Variants in RAVER2 observed in about 807,000 individuals in gnomAD.
RAVER2 encodes ribonucleoprotein, PTB binding 2.
RAVER2 carries 46 observed loss-of-function variants against 78.1 expected under a neutral mutation model. The observed-to-expected ratio is 0.59, with a 90% confidence interval of 0.46 to 0.75. RAVER2 has a LOEUF of 0.75. RAVER2 is among the 30% of genes least tolerant of loss of function. The pLI is 0.00. For missense variants in RAVER2, 793 were observed against 837.5 expected, an observed-to-expected ratio of 0.95 and a Z score of 0.66; for synonymous variants, 311 against 313.3, an observed-to-expected ratio of 0.99 and a Z score of 0.08.
chr1:64,797,674 A>G (rs1653131518), intron 5 of RAVER2, among the ~76,000 whole-genome samples: 1 of 152,150 alleles, frequency 6.6e-6, no homozygotes, highest in African/African-American at 2.4e-5. Context: ...CAAAATGGTG[A>G]TCTTTATCCC....
rs1402386817 is a variant in RAVER2 at position 64,831,053 on chromosome 1, CTTCA to C, written c.*73_*76del. The C allele has an allele frequency of 1.7e-5, 25 of 1,483,008 alleles. No homozygotes were observed. The Admixed American group carries it at 2.6e-4, about 16-fold the overall frequency. The allele number at this position is 1,483,008 out of a possible 1,614,324, so 91.9% of individuals were successfully genotyped here. Reference sequence around the variant, plus strand: ...TCTCTGCTGTTCATCGCTGCCTTAACTTCATTCAAACTAGCCATATCCTTTAAAT... The same window carrying C: ...TCTCTGCTGTTCATCGCTGCCTTAACTTCAAACTAGCCATATCCTTTAAAT... On this transcript the variant is annotated 3_prime_UTR_variant, in exon 12 of 12. Transcript: ENST00000294428.
At chr1:64,796,772 A>G (rs1653108208) in intron 5 of RAVER2, among the ~76,000 whole-genome samples, 1 of 151,742 alleles carries the variant, frequency 6.6e-6, no homozygotes, top group Non-Finnish European at 1.5e-5. Context: ...TTCCGCTTTA[A>G]TTATGTCTTT....
At chr1:64,810,137 T>C (rs542846869) in intron 9 of RAVER2, among the ~76,000 whole-genome samples, 6 of 152,246 alleles carry the variant, frequency 3.9e-5, no homozygotes, top group Non-Finnish European at 8.8e-5. Context: ...TGTTTAATTT[T>C]TGTTGGAACT....
At position 64,745,139 on chromosome 1, in the gene RAVER2, C is replaced by G. The variant is rs538547077; in HGVS notation, c.-34C>G. 1,357 of 1,017,704 alleles carry G rather than the reference C, an allele frequency of 1.3e-3. 14 individuals are homozygous for G. The African/African-American group carries it at 0.022, about 16-fold the overall frequency. The allele number at this position is 1,017,704 out of a possible 1,614,324, so 63.0% of individuals were successfully genotyped here. ...TCTCTCTCCGCTTCCCCTGGAGCCT[C>G]CGAGGAGTCCGCAGCCGCTGGGCGC... On this transcript the variant is annotated 5_prime_UTR_variant, in exon 1 of 12. Transcript: ENST00000294428. This position sits in a 1 kb window ranked among gnomAD's most constrained non-coding sequence, Gnocchi z 4.3.
At chr1:64,830,321 A>G (rs968216024) in intron 11 of RAVER2, among the ~76,000 whole-genome samples, 2 of 152,198 alleles carry the variant, frequency 1.3e-5, no homozygotes, top group African/African-American at 4.8e-5. Flanking sequence ...TGGAGACCAA[A>G]GCTCTGAGTT....
chr1:64,792,649 TTA>T (rs1180819559), intron 5 of RAVER2, among the ~76,000 whole-genome samples: 2 of 152,302 alleles, frequency 1.3e-5, no homozygotes, highest in East Asian at 1.9e-4. Flanking sequence ...GATGCAGAAG[TTA>T]TTTCATAAGC....
chr1:64,756,642 A>T (rs1651864624), intron 1 of RAVER2, among the ~76,000 whole-genome samples: 1 of 152,236 alleles, frequency 6.6e-6, no homozygotes, highest in Admixed American at 6.5e-5. Flanking sequence ...AATGTACATC[A>T]GTCAAAACTT....
intron 5 of RAVER2, among the ~76,000 whole-genome samples, chr1:64,796,880 A>G (rs1264141139): frequency 6.6e-6 from 1 of 152,136 alleles, no homozygotes; most frequent in East Asian, 1.9e-4. Flanking sequence ...TGTGTTTAGT[A>G]TTACAAATTT....
chr1:64,792,941 G>A (rs1213821902), intron 5 of RAVER2, among the ~76,000 whole-genome samples: 4 of 152,148 alleles, frequency 2.6e-5, no homozygotes, highest in Non-Finnish European at 5.9e-5. Context: ...TGTAGTTCAC[G>A]CCTGTAATCC....
chr1:64,795,305 C>T (rs1212735305), intron 5 of RAVER2, among the ~76,000 whole-genome samples: 1 of 152,024 alleles, frequency 6.6e-6, no homozygotes, highest in Non-Finnish European at 1.5e-5. Flanking sequence ...AGGTTCTTTG[C>T]ATTGACTTAT....
chr1:64,771,025 A>C (rs1301358843), intron 2 of RAVER2, among the ~76,000 whole-genome samples: 2 of 152,042 alleles, frequency 1.3e-5, no homozygotes, highest in South Asian at 4.1e-4. Context: ...AAAGTTTTAA[A>C]ATTTTGATGA....
In RAVER2 at chr1:64,745,604, A is replaced by AG. The variant is rs1651507390; in HGVS notation, c.249+189dup. Among the ~76,000 whole-genome samples the AG allele has an allele frequency of 6.6e-6, 1 of 151,666 alleles. No individual in the cohort carries two copies. The highest frequency in any genetic ancestry group is 6.6e-5 in the Admixed American group (1 of 15,244). On this transcript the variant is annotated intron_variant, in intron 1 of 11. Transcript: ENST00000294428. The surrounding 1 kb of genome is among the most constrained non-coding windows in gnomAD (Gnocchi z 4.3). ...CTAGCCTGCAGACGCCCTGCCAGGG[A>AG]GGGGGGCAGATTGGGAAACTGAGGC... is the stretch of plus-strand genomic sequence containing the variant.
intron 1 of RAVER2, among the ~76,000 whole-genome samples, chr1:64,746,611 A>G (rs1437862874): frequency 1.3e-5 from 2 of 152,258 alleles, no homozygotes; most frequent in Non-Finnish European, 2.9e-5. Flanking sequence ...AAATATGAAC[A>G]TATAACCTTA....
At chr1:64,810,942 A>G (rs1467361945) in intron 9 of RAVER2, among the ~76,000 whole-genome samples, 1 of 152,200 alleles carries the variant, frequency 6.6e-6, no homozygotes, top group Admixed American at 6.5e-5. Context: ...AATGAACCCC[A>G]TAGCCTAGAA....
At chr1:64,817,101 A>T (rs536162052) in intron 11 of RAVER2, among the ~76,000 whole-genome samples, 20 of 152,358 alleles carry the variant, frequency 1.3e-4, no homozygotes, top group African/African-American at 4.3e-4. Flanking sequence ...AAAGATATGA[A>T]CAGACACTTC....
intron 2 of RAVER2, among the ~76,000 whole-genome samples, chr1:64,771,244 C>G (rs1652309022): frequency 6.6e-6 from 1 of 151,974 alleles, no homozygotes; most frequent in South Asian, 2.1e-4. Flanking sequence ...ATTGAAAAGA[C>G]TGTAGGGTAA....
At chr1:64,766,047 C>CCAT (rs1652165656) in intron 1 of RAVER2, among the ~76,000 whole-genome samples, 1 of 152,066 alleles carries the variant, frequency 6.6e-6, no homozygotes, top group Non-Finnish European at 1.5e-5. Flanking sequence ...GACTGCTTTG[C>CCAT]CATGGAAGCT....
At chr1:64,831,954 T>C (rs1278503192) in exon 12 of RAVER2, 1 of 152,290 alleles carries the variant, frequency 6.6e-6, no homozygotes, top group South Asian at 2.1e-4. Flanking sequence ...TGGCCTAAAA[T>C]TTCAAGTATC....
At chr1:64,771,958 A>G (rs904303466) in intron 2 of RAVER2, among the ~76,000 whole-genome samples, 1 of 152,132 alleles carries the variant, frequency 6.6e-6, no homozygotes, top group Non-Finnish European at 1.5e-5. Flanking sequence ...GTAAAATAGG[A>G]TACATTAGGG....
Sources: gnomAD v4.1 joint callset for allele counts (sites outside exome capture counted in the v4.1 genomes callset) on GRCh38, gnomAD v4.1.1 for gene constraint, Gnocchi (gnomAD v3.1) non-coding constraint, MANE v1.5 for transcripts, NCBI Gene and HGNC (gene_info 2026-07-23, HGNC 2026-07-21) for gene names.